Variants in ZNF148 observed in about 807,000 individuals in gnomAD.
ZNF148 encodes Beta-Enolase Repressor Factor-1.
ZNF148 carries 7 observed loss-of-function variants against 67.7 expected under a neutral mutation model. The observed-to-expected ratio is 0.10, with a 90% CI of 0.06 to 0.19. The LOEUF is 0.19. Ranked by LOEUF, ZNF148 falls within the 10% of genes least tolerant of loss-of-function variation. ZNF148 has a pLI of 1.00. For synonymous variants in ZNF148, 333 were observed against 330.7 expected (o/e 1.01, Z -0.08); for missense variants, 583 against 947.1 (o/e 0.62, Z 5.05).
chr3:125,292,455 G>A (rs1939068391), intron 4 of ZNF148: 1 of 152,146 alleles, frequency 6.6e-6, no homozygotes, highest in South Asian at 2.1e-4. Context: ...ATCAAATCAA[G>A]TTACCTTACC....
chr3:125,261,714 A>G (rs1289416086), intron 7 of ZNF148, among the ~76,000 whole-genome samples: 1 of 151,972 alleles, frequency 6.6e-6, no homozygotes, highest in Non-Finnish European at 1.5e-5. Context: ...GGTGAGCACT[A>G]GTCTAACATG....
intron 4 of ZNF148, among the ~76,000 whole-genome samples, chr3:125,306,113 T>G (rs1939862489): frequency 6.6e-6 from 1 of 151,942 alleles, no homozygotes; most frequent in Admixed American, 6.6e-5. Flanking sequence ...ATAAAGGAAG[T>G]TAGAAGTATC....
At chr3:125,346,918 A>C (rs1008838367) in intron 1 of ZNF148, among the ~76,000 whole-genome samples, 1 of 152,148 alleles carries the variant, frequency 6.6e-6, no homozygotes, top group East Asian at 1.9e-4. Flanking sequence ...GGGAAAAAAA[A>C]CTGTCTCTAT....
chr3:125,269,872 CAT>C (rs777323531), intron 7 of ZNF148, among the ~76,000 whole-genome samples: 1 of 152,100 alleles, frequency 6.6e-6, no homozygotes. Context: ...CCAAATAACA[CAT>C]GTTCCCACTT....
chr3:125,278,017 A>T (rs1488312955), intron 6 of ZNF148, among the ~76,000 whole-genome samples: 1 of 152,202 alleles, frequency 6.6e-6, no homozygotes, highest in Non-Finnish European at 1.5e-5. Flanking sequence ...ATCACAGAAA[A>T]ATAAGATTAA....
At chr3:125,368,633 T>C (rs765399626) in intron 1 of ZNF148, among the ~76,000 whole-genome samples, 3 of 152,208 alleles carry the variant, frequency 2.0e-5, no homozygotes, top group Non-Finnish European at 4.4e-5. Context: ...AATAAGATTA[T>C]ACCATGTATT....
At chr3:125,320,799 T>G (rs1940736881) in intron 3 of ZNF148, among the ~76,000 whole-genome samples, 1 of 152,214 alleles carries the variant, frequency 6.6e-6, no homozygotes, top group South Asian at 2.1e-4. Flanking sequence ...ATTTCACAAA[T>G]TACTTCTGAT....
At chr3:125,286,158 A>G (rs1266836257) in intron 5 of ZNF148, among the ~76,000 whole-genome samples, 2 of 152,184 alleles carry the variant, frequency 1.3e-5, no homozygotes, top group Non-Finnish European at 2.9e-5. Context: ...GTATTATTCT[A>G]TATCTGAAGA....
intron 7 of ZNF148, among the ~76,000 whole-genome samples, chr3:125,251,181 A>C (rs58082362): frequency 6.6e-6 from 1 of 152,338 alleles, no homozygotes; most frequent in African/African-American, 2.4e-5. Flanking sequence ...ATAGAACATT[A>C]TGAGCACTTC....
At chr3:125,318,071 CA>C (rs897763425) in intron 3 of ZNF148, among the ~76,000 whole-genome samples, 22 of 150,490 alleles carry the variant, frequency 1.5e-4, no homozygotes, top group South Asian at 4.2e-4. Flanking sequence ...GATAAAAGTA[CA>C]AAAAAAAATA....
At chr3:125,349,465 G>T (rs1942061525) in intron 1 of ZNF148, among the ~76,000 whole-genome samples, 2 of 152,044 alleles carry the variant, frequency 1.3e-5, no homozygotes, top group Admixed American at 1.3e-4. Context: ...AAGGCCAACA[G>T]GTATATAAGC....
At chr3:125,354,721 T>C (rs550519559) in intron 1 of ZNF148, among the ~76,000 whole-genome samples, 6 of 152,242 alleles carry the variant, frequency 3.9e-5, no homozygotes, top group Non-Finnish European at 8.8e-5. Context: ...TAAGCTATCA[T>C]AACTAACTTT....
At chr3:125,265,017 T>C (rs181363432) in intron 7 of ZNF148, among the ~76,000 whole-genome samples, 1 of 152,136 alleles carries the variant, frequency 6.6e-6, no homozygotes, top group East Asian at 2.0e-4. Flanking sequence ...AGTAATGATT[T>C]CATGTAAACT....
intron 5 of ZNF148, among the ~76,000 whole-genome samples, chr3:125,284,913 C>CAA (rs11420317): frequency 0.07 from 9,120 of 131,060 alleles, 339 homozygotes; most frequent in Middle Eastern, 0.098. Flanking sequence ...TTAAGTTTTC[C>CAA]AAAAAAAAAA....
At chr3:125,300,830 A>G (rs1939548037) in intron 4 of ZNF148, among the ~76,000 whole-genome samples, 1 of 152,252 alleles carries the variant, frequency 6.6e-6, no homozygotes, top group African/African-American at 2.4e-5. Flanking sequence ...CTGTTTTGCT[A>G]ATACAGAACA....
At chr3:125,307,555 C>T (rs1401423326) in intron 4 of ZNF148, among the ~76,000 whole-genome samples, 18 of 152,200 alleles carry the variant, frequency 1.2e-4, no homozygotes, top group Admixed American at 3.3e-4. Flanking sequence ...CCGCCCGCTT[C>T]GGCCTCCCAA....
intron 1 of ZNF148, chr3:125,344,731 A>C: frequency 1.8e-6 from 1 of 562,382 alleles, no homozygotes; most frequent in Admixed American, 2.4e-5. Context: ...AGTTTCCATT[A>C]TGCTTTTTTA....
intron 4 of ZNF148, among the ~76,000 whole-genome samples, chr3:125,293,452 C>T (rs1184146741): frequency 6.6e-6 from 1 of 152,118 alleles, no homozygotes; most frequent in Admixed American, 6.6e-5. Flanking sequence ...TTTCTAAATG[C>T]CATTATCCAA....
intron 4 of ZNF148, among the ~76,000 whole-genome samples, chr3:125,309,080 T>C (rs1431687958): frequency 1.3e-5 from 2 of 152,120 alleles, no homozygotes; most frequent in Non-Finnish European, 1.5e-5. Context: ...ACAACTGTTG[T>C]GGAGGAATTG....
Sources: gnomAD v4.1 joint callset for allele counts (sites outside exome capture counted in the v4.1 genomes callset) on GRCh38, gnomAD v4.1.1 for gene constraint, MANE v1.5 for transcripts, NCBI Gene and HGNC (gene_info 2026-07-23, HGNC 2026-07-21) for gene names.